MAGI2: variants seen among roughly 807,000 people sequenced by gnomAD.
MAGI2 encodes membrane associated guanylate kinase, WW and PDZ domain containing 2.
Under a neutral mutation model 133.3 loss-of-function variants are expected in MAGI2, and 35 were observed. The ratio of observed to expected loss-of-function variants is 0.26; its 90% CI spans 0.20 to 0.35. The LOEUF (loss-of-function observed/expected upper bound fraction) is 0.35, where lower values mean the gene tolerates loss of function less well. MAGI2 is among the 10% of genes least tolerant of loss of function. MAGI2 has a pLI of 1.00. For synonymous variants in MAGI2, 729 were observed against 710.6 expected (o/e 1.03, Z -0.41); for missense variants, 1,636 against 1,863.4 (o/e 0.88, Z 2.25).
At chr7:78,234,209 T>A (rs1336329506) in intron 10 of MAGI2, among the ~76,000 whole-genome samples, 1 of 152,204 alleles carries the variant, frequency 6.6e-6, no homozygotes, top group Non-Finnish European at 1.5e-5. Flanking sequence ...GCTTCCCTTG[T>A]TAAATTGTAT....
intron 1 of MAGI2, among the ~76,000 whole-genome samples, chr7:79,424,486 T>C (rs994056696): frequency 4.6e-5 from 7 of 152,104 alleles, no homozygotes; most frequent in African/African-American, 1.7e-4. Flanking sequence ...AGATCTATTT[T>C]ACAGCATGGT....
chr7:78,624,990 A>C (rs1457947624), intron 3 of MAGI2, among the ~76,000 whole-genome samples: 1 of 152,242 alleles, frequency 6.6e-6, no homozygotes, highest in South Asian at 2.1e-4. Flanking sequence ...CTTTGTTATC[A>C]TAGGAGATGA....
chr7:78,518,413 C>T (rs1796217026), intron 4 of MAGI2: 1 of 152,148 alleles, frequency 6.6e-6, no homozygotes, highest in Admixed American at 6.5e-5. Context: ...GGCAAAGTAT[C>T]TCAGTTTCCT....
chr7:78,171,682 C>T (rs1338170383), intron 14 of MAGI2, among the ~76,000 whole-genome samples: 1 of 152,214 alleles, frequency 6.6e-6, no homozygotes, highest in African/African-American at 2.4e-5. Context: ...TACCACTGGT[C>T]CTGGGATCAG....
chr7:79,436,804 T>C (rs1848174073), intron 1 of MAGI2, among the ~76,000 whole-genome samples: 1 of 152,134 alleles, frequency 6.6e-6, no homozygotes, highest in Non-Finnish European at 1.5e-5. Flanking sequence ...CTAAAAGTAA[T>C]AAAAATAGAA....
At chr7:78,028,349 T>G (rs1809170394) in intron 21 of MAGI2, among the ~76,000 whole-genome samples, 1 of 152,228 alleles carries the variant, frequency 6.6e-6, no homozygotes, top group Non-Finnish European at 1.5e-5. Flanking sequence ...GCTTCACATT[T>G]ATATTCATTT....
chr7:78,895,128 T>C (rs1799018), intron 2 of MAGI2, among the ~76,000 whole-genome samples: 22,503 of 152,110 alleles, frequency 0.15, 2,158 homozygotes, highest in Non-Finnish European at 0.22. Flanking sequence ...GGTTAATGGA[T>C]TGATGGACTA....
chr7:78,612,949 C>T (rs1806634321), intron 3 of MAGI2, among the ~76,000 whole-genome samples: 1 of 152,116 alleles, frequency 6.6e-6, no homozygotes, highest in South Asian at 2.1e-4. Context: ...GGATCACAGG[C>T]GTGAGCCACC....
intron 2 of MAGI2, among the ~76,000 whole-genome samples, chr7:78,757,227 G>C (rs1449428128): frequency 6.6e-6 from 1 of 151,944 alleles, no homozygotes; most frequent in East Asian, 1.9e-4. Flanking sequence ...CTCTGTTTGT[G>C]CTCTGCATCT....
intron 2 of MAGI2, among the ~76,000 whole-genome samples, chr7:78,854,763 C>T (rs1264870133): frequency 6.6e-6 from 1 of 151,686 alleles, no homozygotes; most frequent in African/African-American, 2.4e-5. Flanking sequence ...ATTATTTTCT[C>T]TGTACTTCTT....
chr7:79,010,693 C>T (rs1197099624), intron 1 of MAGI2, among the ~76,000 whole-genome samples: 2 of 152,014 alleles, frequency 1.3e-5, no homozygotes, highest in African/African-American at 4.8e-5. Flanking sequence ...ATGCTTTAGC[C>T]ATTTGTACTT....
At chr7:78,328,528 CA>C (rs1307308321) in intron 9 of MAGI2, among the ~76,000 whole-genome samples, 1 of 111,510 alleles carries the variant, frequency 9.0e-6, no homozygotes, top group Non-Finnish European at 2.0e-5. Flanking sequence ...CACACACACA[CA>C]CCCCTCTCTC....
At chr7:78,310,492 T>C (rs1798612190) in intron 9 of MAGI2, among the ~76,000 whole-genome samples, 1 of 152,184 alleles carries the variant, frequency 6.6e-6, no homozygotes, top group Non-Finnish European at 1.5e-5. Context: ...GGTTATTTAA[T>C]AATTATTGAT....
intron 2 of MAGI2, among the ~76,000 whole-genome samples, chr7:78,856,529 T>C (rs1170570153): frequency 2.0e-5 from 3 of 152,212 alleles, no homozygotes; most frequent in Non-Finnish European, 4.4e-5. Context: ...CATTGCTTGT[T>C]TTTGTCAGGT....
chr7:78,571,607 C>CAGTG (rs563062966), intron 3 of MAGI2, among the ~76,000 whole-genome samples: 56 of 152,120 alleles, frequency 3.7e-4, no homozygotes, highest in African/African-American at 1.3e-3. Context: ...AAGGACAACT[C>CAGTG]AGTGAGACAA....
intron 2 of MAGI2, among the ~76,000 whole-genome samples, chr7:78,979,044 A>G (rs1804550738): frequency 6.6e-6 from 1 of 151,944 alleles, no homozygotes; most frequent in Non-Finnish European, 1.5e-5. Flanking sequence ...AGTTGGAGAC[A>G]TCAGTAAAAA....
chr7:79,084,549 T>C (rs1217962662), intron 1 of MAGI2, among the ~76,000 whole-genome samples: 1 of 151,794 alleles, frequency 6.6e-6, no homozygotes, highest in Non-Finnish European at 1.5e-5. Context: ...TGTTTACTGA[T>C]ACTTGTTTTG....
intron 10 of MAGI2, among the ~76,000 whole-genome samples, chr7:78,208,508 T>C (rs1787351961): frequency 6.6e-6 from 1 of 152,070 alleles, no homozygotes; most frequent in South Asian, 2.1e-4. Flanking sequence ...TGGAAGAAAA[T>C]ATTAACAACT....
intron 13 of MAGI2, chr7:78,184,668 A>T (rs368935675): frequency 6.6e-6 from 1 of 151,714 alleles, no homozygotes; most frequent in East Asian, 1.9e-4. Context: ...GCAAAAAAAA[A>T]TTAAATCTTC....
Sources: allele counts gnomAD v4.1 joint callset (sites outside exome capture counted in the v4.1 genomes callset), GRCh38; gene constraint gnomAD v4.1.1; transcripts MANE v1.5; gene names NCBI Gene and HGNC (gene_info 2026-07-23, HGNC 2026-07-21).